ELL2: variants seen among roughly 807,000 people sequenced by gnomAD.
ELL2 encodes RNA polymerase II elongation factor ELL2.
ELL2 carries 21 observed loss-of-function variants against 72.8 expected under a neutral mutation model. That is an observed-to-expected ratio of 0.29 (90% CI 0.20 to 0.42). The LOEUF is 0.42. Ranked by LOEUF, ELL2 falls within the 10% of genes least tolerant of loss-of-function variation. The pLI is 1.00. For missense variants in ELL2, 568 were observed against 772.8 expected (o/e 0.73, Z 3.14); for synonymous variants, 266 against 283.2 (o/e 0.94, Z 0.61).
At chr5:95,961,526 G>T in intron 1 of ELL2, 49 bp downstream of exon 1, 1 of 1,489,016 alleles carries the variant, frequency 6.7e-7, no homozygotes, top group African/African-American at 1.5e-5. Context: ...CAGGCCGTGA[G>T]GGGTGCGCTC....
Position 95,898,806 on chromosome 5 carries a change from C to T in ELL2, c.959G>A (p.Arg320Gln), listed in dbSNP as rs1371022745. 2.7e-6 allele frequency: 4 copies of T among 1,490,476 alleles called. No homozygotes were observed. The highest frequency in any genetic ancestry group is 2.4e-5 in the Admixed American group (1 of 42,198). 92.3% of individuals were successfully genotyped at this position (1,490,476 alleles called of 1,614,324 possible). Reference protein sequence around the residue: ...SRDAVSSPQKRLLDSEFIDPL... With the variant: ...SRDAVSSPQKQLLDSEFIDPL... The stretch of plus-strand genomic sequence containing the variant: ...ATCAATAAACTCTGAATCCAAAAGC[C>T]GTTTCTAGGGGAGGGAAAAGGAGAA... The change falls in exon 8 of 12, where the codon CGG (arginine) becomes CAG (glutamine). Residue 320 changes from arginine to glutamine, a missense_variant. By Grantham distance (43) the Arg-to-Gln change is conservative. This residue lies in a region of ELL2 where 511 missense variants were observed against 728.4 expected (regional missense o/e 0.70). Coordinates refer to ENST00000237853, the MANE Select transcript of ELL2 (RefSeq NM_012081.6).
At chr5:95,955,875 C>T (rs1018978181) in intron 1 of ELL2, among the ~76,000 whole-genome samples, 5 of 151,668 alleles carry the variant, frequency 3.3e-5, no homozygotes, top group Admixed American at 6.6e-5. Context: ...GATCTAGTGC[C>T]GGGCTCCTAA....
At chr5:95,957,375 C>G (rs1580544093) in intron 1 of ELL2, among the ~76,000 whole-genome samples, 1 of 152,296 alleles carries the variant, frequency 6.6e-6, no homozygotes, top group East Asian at 1.9e-4. Context: ...ATGTAGACCA[C>G]ACAATCACAG....
intron 1 of ELL2, among the ~76,000 whole-genome samples, chr5:95,949,986 T>C (rs1406063848): frequency 6.6e-6 from 1 of 152,208 alleles, no homozygotes; most frequent in East Asian, 1.9e-4. Flanking sequence ...GGCTAATAAG[T>C]GACCTGGGGC....
At chr5:95,948,357 G>A (rs1751248944) in intron 1 of ELL2, among the ~76,000 whole-genome samples, 2 of 148,216 alleles carry the variant, frequency 1.3e-5, no homozygotes, top group Non-Finnish European at 3.0e-5. Flanking sequence ...GTGAACCCGG[G>A]AGGCGGAGCT....
intron 2 of ELL2, among the ~76,000 whole-genome samples, chr5:95,921,295 CA>C (rs1441525602): frequency 6.6e-6 from 1 of 152,120 alleles, no homozygotes; most frequent in Admixed American, 6.5e-5. Flanking sequence ...TTTAAAAGGT[CA>C]AATTTCACCA....
intron 2 of ELL2, among the ~76,000 whole-genome samples, chr5:95,926,731 A>C (rs944439760): frequency 2.0e-5 from 3 of 152,198 alleles, no homozygotes; most frequent in African/African-American, 7.2e-5. Flanking sequence ...TTATTAGAAA[A>C]ATAATTCCTG....
At chr5:95,929,290 G>T (rs182246221) in intron 2 of ELL2, among the ~76,000 whole-genome samples, 5 of 147,136 alleles carry the variant, frequency 3.4e-5, no homozygotes, top group Non-Finnish European at 5.9e-5. Context: ...ACAGAGTCTC[G>T]CTCTGTCGCC....
intron 2 of ELL2, among the ~76,000 whole-genome samples, chr5:95,941,566 C>T (rs1358758266): frequency 1.3e-5 from 2 of 152,132 alleles, no homozygotes; most frequent in Non-Finnish European, 2.9e-5. Context: ...TAACTTGATG[C>T]CTCCTTAGAA....
intron 1 of ELL2, among the ~76,000 whole-genome samples, chr5:95,951,355 C>T (rs1018584099): frequency 2.3e-4 from 35 of 150,358 alleles, no homozygotes; most frequent in Admixed American, 7.9e-4. Flanking sequence ...GGGGACAGAG[C>T]GAGACTCCGT....
chr5:95,916,895 C>T (rs1284091228), intron 3 of ELL2, among the ~76,000 whole-genome samples: 3 of 152,040 alleles, frequency 2.0e-5, no homozygotes, highest in Non-Finnish European at 4.4e-5. Flanking sequence ...AACATCTCTT[C>T]CTATTATTTA....
intron 1 of ELL2, among the ~76,000 whole-genome samples, chr5:95,949,475 C>T (rs1224431153): frequency 6.6e-6 from 1 of 152,054 alleles, no homozygotes; most frequent in Non-Finnish European, 1.5e-5. Context: ...TTATAGAGAT[C>T]TTTCCAACTT....
intron 2 of ELL2, among the ~76,000 whole-genome samples, chr5:95,936,097 T>C (rs887993407): frequency 1.3e-5 from 2 of 152,210 alleles, no homozygotes; most frequent in African/African-American, 4.8e-5. Flanking sequence ...TGATGAAGTA[T>C]GGGTAAAGAC....
chr5:95,905,483 C>T (rs1483106084), intron 5 of ELL2, among the ~76,000 whole-genome samples: 1 of 136,188 alleles, frequency 7.3e-6, no homozygotes, highest in East Asian at 2.2e-4. Context: ...ACACACACAC[C>T]CTCATTCTCA....
intron 7 of ELL2, 111 bp from the exon 8 acceptor site, chr5:95,898,921 C>G (rs768225101): frequency 3.8e-6 from 3 of 794,678 alleles, no homozygotes; most frequent in Non-Finnish European, 5.5e-6. Context: ...ATTAATATTA[C>G]CAGGGTTGTA....
intron 3 of ELL2, among the ~76,000 whole-genome samples, chr5:95,916,207 G>C (rs1841010): frequency 0.38 from 57,633 of 151,548 alleles, 12,390 homozygotes; most frequent in African/African-American, 0.6. Context: ...AAAAGTTAAA[G>C]ATCATGCCCA....
intron 7 of ELL2, among the ~76,000 whole-genome samples, chr5:95,899,368 C>T (rs1281825436): frequency 6.6e-6 from 1 of 152,120 alleles, no homozygotes; most frequent in Non-Finnish European, 1.5e-5. Context: ...TGTCATTTAT[C>T]ATTCCACCTG....
intron 3 of ELL2, among the ~76,000 whole-genome samples, chr5:95,917,529 C>G (rs1749860554): frequency 6.6e-6 from 1 of 152,116 alleles, no homozygotes; most frequent in Non-Finnish European, 1.5e-5. Context: ...AAAGGTGAAG[C>G]CAGATTATGG....
intron 10 of ELL2, among the ~76,000 whole-genome samples, chr5:95,889,968 G>A (rs756657760): frequency 6.6e-6 from 1 of 152,098 alleles, no homozygotes; most frequent in Non-Finnish European, 1.5e-5. Context: ...GCACTTTACT[G>A]TGCTTACTTA....
Sources: gnomAD v4.1 joint callset for allele counts (sites outside exome capture counted in the v4.1 genomes callset) on GRCh38, gnomAD v4.1.1 for gene constraint, gnomAD v4.1.1 regional missense constraint, MANE v1.5 for transcripts, NCBI Gene and HGNC (gene_info 2026-07-23, HGNC 2026-07-21) for gene names.